MBD3: variants seen among roughly 807,000 people sequenced by gnomAD.
The protein encoded by MBD3 is methyl-CpG binding domain protein 3.
MBD3 carries 13 observed loss-of-function variants against 31.2 expected under a neutral mutation model. The ratio of observed to expected loss-of-function variants is 0.42; its 90% CI spans 0.27 to 0.66. The LOEUF is 0.66. MBD3 is among the 30% of genes least tolerant of loss of function. MBD3 has a pLI of 0.26. For synonymous variants in MBD3, 223 were observed against 187.4 expected, an observed-to-expected ratio of 1.19 and a Z score of -1.55; for missense variants, 440 against 426.5, an observed-to-expected ratio of 1.03 and a Z score of -0.28.
At chr19:1,589,811 G>C (rs1599349349) in intron 1 of MBD3, among the ~76,000 whole-genome samples, 2 of 152,118 alleles carry the variant, frequency 1.3e-5, no homozygotes, top group East Asian at 3.8e-4. Context: ...TCCAGCCTGG[G>C]TGACAGAACA....
rs1408264655 is a variant in MBD3 at position 1,575,399 on chromosome 19, G to A, written c.*2765C>T. 1 of 327,808 alleles carries A rather than the reference G, an allele frequency of 3.1e-6. No homozygotes were observed. The highest frequency in any genetic ancestry group is 6.2e-6 in the Non-Finnish European group (1 of 162,356). The allele number at this position is 327,808 out of a possible 1,614,324, so 20.3% of individuals were successfully genotyped here. A position where few individuals can be genotyped will look rare whatever the true frequency, so the allele number is the denominator to read the frequency against. The stretch of plus-strand genomic sequence containing the variant: ...TGTGCAACAAGAGCGAAAGAAGAGC[G>A]AAACTCTTGTCTAAAAAAAAAAAAA... On this transcript the variant is annotated 3_prime_UTR_variant, in exon 7 of 7. Transcript: ENST00000434436.
chr19:1,574,424 C>T lies in MBD3; in HGVS notation c.*3740G>A, dbSNP rs936244450. On this transcript the variant is annotated 3_prime_UTR_variant, in exon 7 of 7. Transcript: ENST00000434436. ...CTTCCTGTCTCTGAATCGGCCTGTC[C>T]TGGACATTCACACAAATGGGATTGC... 6 of 152,356 alleles carry T rather than the reference C, an allele frequency of 3.9e-5. No individual in the cohort carries two copies. The highest frequency in any genetic ancestry group is 1.4e-4 in the African/African-American group (6 of 41,452). 9.4% of individuals were successfully genotyped at this position (152,356 alleles called of 1,614,324 possible).
intron 4 of MBD3, 90 bp from the exon 5 acceptor site, chr19:1,581,359 G>A (rs1027309834): frequency 2.2e-5 from 29 of 1,348,452 alleles, no homozygotes; most frequent in Non-Finnish European, 2.9e-5. Flanking sequence ...CCCAAGAATG[G>A]GAGCTGCCAC....
intron 1 of MBD3, among the ~76,000 whole-genome samples, chr19:1,590,171 G>C (rs533269422): frequency 2.0e-5 from 3 of 152,166 alleles, no homozygotes; most frequent in Non-Finnish European, 4.4e-5. Context: ...GGTGGCAGAC[G>C]CCTGTAATCC....
In MBD3 at chr19:1,576,595, C is replaced by G. The variant is rs1017446327; in HGVS notation, c.*1569G>C. 1 of 152,276 alleles carries G rather than the reference C, an allele frequency of 6.6e-6. No homozygotes were observed. The highest frequency in any genetic ancestry group is 2.4e-5 in the African/African-American group (1 of 41,452). The allele number at this position is 152,276 out of a possible 1,614,324, so 9.4% of individuals were successfully genotyped here. Reference sequence around the variant, plus strand: ...GGACCTGCTGGCCCTGTCCCCACACCGCTTTCAGCCTTTCATCACCCAACC... The same window carrying G: ...GGACCTGCTGGCCCTGTCCCCACACGGCTTTCAGCCTTTCATCACCCAACC... On this transcript the variant is annotated 3_prime_UTR_variant, in exon 7 of 7. Transcript: ENST00000434436.
intron 1 of MBD3, among the ~76,000 whole-genome samples, chr19:1,590,462 A>C (rs1009908858): frequency 2.0e-5 from 3 of 152,122 alleles, no homozygotes; most frequent in African/African-American, 7.2e-5. Flanking sequence ...CCCCATCTCT[A>C]TAAAAATAAG....
At chr19:1,583,885 C>G (rs960276097) in intron 3 of MBD3, among the ~76,000 whole-genome samples, 18 of 150,830 alleles carry the variant, frequency 1.2e-4, no homozygotes, top group African/African-American at 4.4e-4. Flanking sequence ...GCAGTGGTGT[C>G]ATCTCGGCTC....
Position 1,575,245 on chromosome 19 carries a change from C to T in MBD3, c.*2919G>A. The T allele has an allele frequency of 2.3e-6, 1 of 426,780 alleles. No individual in the cohort carries two copies. The highest frequency in any genetic ancestry group is 4.8e-6 in the Non-Finnish European group (1 of 207,294). 26.4% of individuals were successfully genotyped at this position (426,780 alleles called of 1,614,324 possible). On this transcript the variant is annotated 3_prime_UTR_variant, in exon 7 of 7. Coordinates refer to ENST00000434436, the MANE Select transcript of MBD3 (RefSeq NM_001281453.2). ...AGGAGTTCCAGACCAGACTGGCCAA[C>T]ATGGTGAAACCCTGTCTCTATTAAA...
chr19:1,581,631 GC>G (rs1485780327), intron 4 of MBD3: 19 of 368,316 alleles, frequency 5.2e-5, no homozygotes, highest in Non-Finnish European at 5.3e-5. Flanking sequence ...TGTGGTCCCA[GC>G]TACTCAGGAG....
intron 3 of MBD3, chr19:1,583,253 C>T (rs541760554): frequency 6.5e-6 from 1 of 154,812 alleles, no homozygotes; most frequent in Non-Finnish European, 1.4e-5. Flanking sequence ...TGACGGGTAC[C>T]TGAAATCCCA....
intron 2 of MBD3, 44 bp from the exon 3 acceptor site, chr19:1,584,721 CGGCGCGGA>C: frequency 6.3e-7 from 1 of 1,589,048 alleles, no homozygotes; most frequent in Non-Finnish European, 8.5e-7. Flanking sequence ...GGCGCCCCGG[CGGCGCGGA>C]GCCTCAGGGG....
rs1363589146 is a variant in MBD3, at chr19:1,574,979, G to A, written c.*3185C>T. 5 of 338,668 alleles carry A rather than the reference G, an allele frequency of 1.5e-5. No individual in the cohort carries two copies. The highest frequency in any genetic ancestry group is 1.2e-4 in the Admixed American group (3 of 25,796). The allele number at this position is 338,668 out of a possible 1,614,324, so 21.0% of individuals were successfully genotyped here. A position where few individuals can be genotyped will look rare whatever the true frequency, so the allele number is the denominator to read the frequency against. On this transcript the variant is annotated 3_prime_UTR_variant, in exon 7 of 7. Coordinates refer to ENST00000434436, the MANE Select transcript of MBD3 (RefSeq NM_001281453.2). ...CTTAGCTGGTGTTGCTGAGACTCGG[G>A]AGCCCTGTGGTCCGTGTGGCTGGGC...
intron 5 of MBD3, among the ~76,000 whole-genome samples, chr19:1,580,014 TC>T (rs1259662405): frequency 6.6e-6 from 1 of 152,230 alleles, no homozygotes; most frequent in Admixed American, 6.5e-5. Flanking sequence ...CGCCTCGGCC[TC>T]CCAAAGTGCT....
At position 1,584,522 on chromosome 19, in the gene MBD3, G is replaced by T; in HGVS notation, c.408+18C>A. 1 of 1,611,862 alleles carries T rather than the reference G, an allele frequency of 6.2e-7. No individual in the cohort carries two copies. The highest frequency in any genetic ancestry group is 1.1e-5 in the South Asian group (1 of 91,082). On this transcript the variant is annotated intron_variant, in intron 3 of 6. Coordinates refer to ENST00000434436, the MANE Select transcript of MBD3 (RefSeq NM_001281453.2). Reference sequence around the variant, plus strand: ...CAACCCGGCCGGGAAGGCTGGGGTCGCTGTGCGTTGAGCTCACCTGGCGCG... The same window carrying T: ...CAACCCGGCCGGGAAGGCTGGGGTCTCTGTGCGTTGAGCTCACCTGGCGCG...
intron 1 of MBD3, among the ~76,000 whole-genome samples, chr19:1,587,767 T>C (rs1166100073): frequency 6.6e-6 from 1 of 152,228 alleles, no homozygotes; most frequent in African/African-American, 2.4e-5. Flanking sequence ...TGGTGCTTAC[T>C]AGGCCAGGTA....
chr19:1,585,240 C>T lies in MBD3; in HGVS notation c.111-26G>A, dbSNP rs1326008008. ...CTGCGGGGAGGCGGGACGGTCGGCGCCCCGGGCGGACCCCAGACCCCAAAC... is the reference window on the plus strand; with the variant it reads ...CTGCGGGGAGGCGGGACGGTCGGCGTCCCGGGCGGACCCCAGACCCCAAAC... On this transcript the variant is annotated intron_variant, in intron 1 of 6. Coordinates refer to ENST00000434436, the MANE Select transcript of MBD3 (RefSeq NM_001281453.2). This position sits in a 1 kb window ranked among gnomAD's most constrained non-coding sequence, Gnocchi z 4.1. 3 of 1,554,674 alleles carry T rather than the reference C, an allele frequency of 1.9e-6. No individual in the cohort carries two copies. The highest frequency in any genetic ancestry group is 2.4e-5 in the East Asian group (1 of 42,018).
chr19:1,585,306 G>T lies in MBD3; in HGVS notation c.111-92C>A. Reference sequence around the variant, plus strand: ...AGACCCAAACCCAGTCCCAGCCCCAGCTTCAGGTCGCGACCCCAGCCCCAG... The same window carrying T: ...AGACCCAAACCCAGTCCCAGCCCCATCTTCAGGTCGCGACCCCAGCCCCAG... On this transcript the variant is annotated intron_variant, in intron 1 of 6. Transcript: ENST00000434436. This position sits in a 1 kb window ranked among gnomAD's most constrained non-coding sequence, Gnocchi z 4.1. The T allele has an allele frequency of 1.4e-6, 2 of 1,415,432 alleles. No homozygotes were observed. The highest frequency in any genetic ancestry group is 1.9e-6 in the Non-Finnish European group (2 of 1,049,842). 87.7% of individuals were successfully genotyped at this position (1,415,432 alleles called of 1,614,324 possible).
In MBD3 at chr19:1,585,452, C is replaced by G; in HGVS notation, c.111-238G>C. The G allele has an allele frequency of 1.9e-6, 1 of 537,206 alleles. No individual in the cohort carries two copies. 33.3% of individuals were successfully genotyped at this position (537,206 alleles called of 1,614,324 possible). A position where few individuals can be genotyped will look rare whatever the true frequency, so the allele number is the denominator to read the frequency against. Reference sequence around the variant, plus strand: ...AGCACCCCACAACTGGCCCCTAGATCTGGGCGCCAGCCAGACCCAGAGCAC... The same window carrying G: ...AGCACCCCACAACTGGCCCCTAGATGTGGGCGCCAGCCAGACCCAGAGCAC... On this transcript the variant is annotated intron_variant, in intron 1 of 6. Coordinates refer to ENST00000434436, the MANE Select transcript of MBD3 (RefSeq NM_001281453.2). This position sits in a 1 kb window ranked among gnomAD's most constrained non-coding sequence, Gnocchi z 4.1.
Position 1,578,309 on chromosome 19 carries a change from A to T in MBD3, c.*5+26T>A, listed in dbSNP as rs1052252245. ...GTCCCCACTGCCAGGACCCGACTCCAGGGAGCCCCCGTGGCCCCGCAGCAC... is the reference window on the plus strand; with the variant it reads ...GTCCCCACTGCCAGGACCCGACTCCTGGGAGCCCCCGTGGCCCCGCAGCAC... On this transcript the variant is annotated intron_variant, in intron 6 of 6. Coordinates refer to ENST00000434436, the MANE Select transcript of MBD3 (RefSeq NM_001281453.2). The surrounding 1 kb of genome is among the most constrained non-coding windows in gnomAD (Gnocchi z 6.1). 7 of 1,600,200 alleles carry T rather than the reference A, an allele frequency of 4.4e-6. No individual in the cohort carries two copies. The African/African-American group carries it at 9.4e-5, about 21-fold the overall frequency.
Sources: gnomAD v4.1 joint callset for allele counts (sites outside exome capture counted in the v4.1 genomes callset) on GRCh38, gnomAD v4.1.1 for gene constraint, Gnocchi (gnomAD v3.1) non-coding constraint, MANE v1.5 for transcripts, NCBI Gene and HGNC (gene_info 2026-07-23, HGNC 2026-07-21) for gene names.